Variants in PCNX3 observed in about 807,000 individuals in gnomAD.
The protein encoded by PCNX3 is pecanex-like protein 3.
PCNX3 carries 58 observed loss-of-function variants against 207.2 expected under a neutral mutation model. The observed-to-expected ratio is 0.28, with a 90% CI of 0.23 to 0.35. The LOEUF (loss-of-function observed/expected upper bound fraction) is 0.35, where lower values mean the gene tolerates loss of function less well. Ranked by LOEUF, PCNX3 falls within the 10% of genes least tolerant of loss-of-function variation. The pLI is 1.00. For synonymous variants in PCNX3, 1,337 were observed against 1,183.5 expected (o/e 1.13, Z -2.66); for missense variants, 2,410 against 2,774.4 (o/e 0.87, Z 2.95).
At chr11:65,629,236 C>T in intron 24 of PCNX3, 121 bp from the exon 25 acceptor site, 1 of 1,091,962 alleles carries the variant, frequency 9.2e-7, no homozygotes, top group Non-Finnish European at 1.4e-6. Flanking sequence ...GTCTCCTCAT[C>T]TGCCTGCATA....
chr11:65,620,564 G>A, intron 9 of PCNX3, 135 bp downstream of exon 9: 1 of 1,065,754 alleles, frequency 9.4e-7, no homozygotes, highest in Non-Finnish European at 1.3e-6. Flanking sequence ...GAGAGGATGG[G>A]GAGCAGCAAA....
At chr11:65,620,496 A>G (rs1855029329) in intron 9 of PCNX3, 67 bp downstream of exon 9, 1 of 1,540,970 alleles carries the variant, frequency 6.5e-7, no homozygotes, top group African/African-American at 1.4e-5. Context: ...AAGTTCCCTG[A>G]GCCTGGAGTT....
chr11:65,618,399 C>G lies in PCNX3; in HGVS notation c.1037C>G (p.Pro346Arg). The G allele has an allele frequency of 6.2e-7, 1 of 1,612,756 alleles. No homozygotes were observed. The highest frequency in any genetic ancestry group is 8.5e-7 in the Non-Finnish European group (1 of 1,179,828). The change falls in exon 6 of 35, where the codon CCT (proline) becomes CGT (arginine). Residue 346 changes from proline to arginine, a missense_variant. By Grantham distance (103) the Pro-to-Arg change is moderately radical. Transcript: ENST00000355703. ...DTDPPSEAEL[P>R]ASPDAGVPSD... ...GACCCACCCTCTGAGGCTGAGCTGC[C>G]TGCCTCACCAGACGCCGGGGTCCCC...
At chr11:65,627,262 T>A (rs1855440652) in intron 21 of PCNX3, 143 bp from the exon 22 acceptor site, 1 of 1,155,508 alleles carries the variant, frequency 8.7e-7, no homozygotes, top group Admixed American at 2.9e-5. Context: ...AGACTAAGAG[T>A]CACGGGCCCA....
Position 65,620,847 on chromosome 11 carries a change from T to A in PCNX3, c.2116T>A (p.Ser706Thr). The change falls in exon 10 of 35, where the codon TCC (serine) becomes ACC (threonine). Residue 706 changes from serine to threonine, a missense_variant. This residue lies in a region of PCNX3 where 1,104 missense variants were observed against 970.3 expected (regional missense o/e 1.14). Coordinates refer to ENST00000355703, the MANE Select transcript of PCNX3 (RefSeq NM_032223.4). ...ANGAWDRHSH[S>T]SSFHSADVPE... ...TTCTCACAGGGACCGACACTCGCAT[T>A]CCTCCAGCTTCCACTCGGCTGATGT... 1 of 1,593,776 alleles carries A rather than the reference T, an allele frequency of 6.3e-7. No homozygotes were observed. Among genetic ancestry groups the A allele is most frequent in the South Asian group, 1.1e-5 (1 of 87,556 alleles).
At chr11:65,626,150 A>G in intron 20 of PCNX3, 96 bp downstream of exon 20, 1 of 1,478,816 alleles carries the variant, frequency 6.8e-7, no homozygotes. Context: ...GAGTGCCAGC[A>G]GGGGGCACTC....
chr11:65,624,356 C>T lies in PCNX3; in HGVS notation c.2706C>T (p.Asp902=), dbSNP rs574563877. 165 of 1,554,788 alleles carry T rather than the reference C, an allele frequency of 1.1e-4. No individual in the cohort carries two copies. Among genetic ancestry groups the T allele is most frequent in the Admixed American group, 1.8e-4 (9 of 51,278 alleles). Residue 902 remains aspartate (D), a synonymous_variant, in exon 14 of 35, where the codon GAC becomes GAT. Coordinates refer to ENST00000355703, the MANE Select transcript of PCNX3 (RefSeq NM_032223.4). ...FSASFFFCAR[D]VATVFTLCFP... ...CCTCCTTCTTCTTCTGTGCCCGAGA[C>T]GTGGCCACTGGTGAGGCTGGGGCAG...
intron 9 of PCNX3, among the ~76,000 whole-genome samples, 184 bp downstream of exon 9, chr11:65,620,613 G>A (rs1002178016): frequency 1.3e-5 from 2 of 152,142 alleles, no homozygotes; most frequent in Admixed American, 6.5e-5. Context: ...ATGACACTCC[G>A]GGCAGGAAGT....
chr11:65,627,203 T>C, intron 21 of PCNX3, among the ~76,000 whole-genome samples, 155 bp downstream of exon 21: 1 of 152,150 alleles, frequency 6.6e-6, no homozygotes, highest in East Asian at 1.9e-4. Flanking sequence ...AGGAAGTGGT[T>C]GCTTCTTCAA....
At chr11:65,626,838 G>A (rs900673521) in intron 20 of PCNX3, 66 bp from the exon 21 acceptor site, 8 of 1,550,872 alleles carry the variant, frequency 5.2e-6, no homozygotes, top group Non-Finnish European at 7.0e-6. Flanking sequence ...CCCTCCTAGG[G>A]AAGGACTTCC....
rs1462220423 is a variant in PCNX3, at chr11:65,625,619, C to G, written c.3136-33C>G. On this transcript the variant is annotated intron_variant, in intron 18 of 34. Coordinates refer to ENST00000355703, the MANE Select transcript of PCNX3 (RefSeq NM_032223.4). The surrounding 1 kb of genome is among the most constrained non-coding windows in gnomAD (Gnocchi z 5.6). Reference sequence around the variant, plus strand: ...CTGGGCAGCTGAGTGTCTCTCCTGGCCGGGCAGCTGAATGTCTCTCCTGGC... The same window carrying G: ...CTGGGCAGCTGAGTGTCTCTCCTGGGCGGGCAGCTGAATGTCTCTCCTGGC... 3 of 1,600,532 alleles carry G rather than the reference C, an allele frequency of 1.9e-6. No individual in the cohort carries two copies. In the Admixed American group the frequency reaches 5.1e-5, roughly 27 times the overall value.
chr11:65,617,881 C>T, intron 5 of PCNX3, 59 bp from the exon 6 acceptor site: 3 of 1,494,426 alleles, frequency 2.0e-6, no homozygotes, highest in East Asian at 2.4e-5. Flanking sequence ...CTCCCTTAAC[C>T]ACTAGTTTGT....
In PCNX3 at chr11:65,618,078, C is replaced by G. The variant is rs766447798; in HGVS notation, c.716C>G (p.Pro239Arg). The change falls in exon 6 of 35, where the codon CCC becomes CGC. Residue 239 changes from proline (P) to arginine (R), a missense_variant. Pro to Arg is a moderately radical substitution (Grantham distance 103). Coordinates refer to ENST00000355703, the MANE Select transcript of PCNX3 (RefSeq NM_032223.4). Reference sequence around the variant, plus strand: ...AGCATGGCTGACACTCCCATGAGCCCCCTGCTGAAGGGGAGCCTCAGCCAG... The same window carrying G: ...AGCATGGCTGACACTCCCATGAGCCGCCTGCTGAAGGGGAGCCTCAGCCAG... ...GSSMADTPMS[P>R]LLKGSLSQEL... The G allele has an allele frequency of 8.7e-6, 14 of 1,608,342 alleles. No homozygotes were observed. The highest frequency in any genetic ancestry group is 1.1e-5 in the Non-Finnish European group (13 of 1,177,908).
Position 65,636,470 on chromosome 11 carries a change from C to G in PCNX3, c.5673C>G (p.Pro1891=). 1.3e-6 allele frequency: 2 copies of G among 1,563,736 alleles called. No individual in the cohort carries two copies. Among genetic ancestry groups the G allele is most frequent in the East Asian group, 2.3e-5 (1 of 44,434 alleles). Residue 1891 remains proline, a synonymous_variant, in exon 34 of 35, where the codon CCC becomes CCG. Transcript: ENST00000355703. The part of the protein sequence containing the change: ...SSLSGSGDGR[P]PPLLQWPPPR... ...TGAGTGGCTCTGGTGATGGGCGGCC[C>G]CCACCTCTGCTGCAGTGGCCTCCCC...
intron 29 of PCNX3, 54 bp downstream of exon 29, chr11:65,634,695 C>G: frequency 2.1e-6 from 3 of 1,454,716 alleles, no homozygotes; most frequent in Non-Finnish European, 2.8e-6. Flanking sequence ...CCACCTCTTC[C>G]ACGAAGAGCA....
chr11:65,622,593 C>T (rs1855165084), intron 11 of PCNX3, among the ~76,000 whole-genome samples: 1 of 151,972 alleles, frequency 6.6e-6, no homozygotes, highest in East Asian at 1.9e-4. Flanking sequence ...TTCCAAAGTC[C>T]TGCTGAAAAA....
chr11:65,616,785 G>T, intron 1 of PCNX3, 39 bp from the exon 2 acceptor site: 1 of 1,590,776 alleles, frequency 6.3e-7, no homozygotes, highest in Non-Finnish European at 8.6e-7. Flanking sequence ...GTGGGGGCGA[G>T]GCTTTGTGAA....
chr11:65,617,341 C>G lies in PCNX3; in HGVS notation c.433C>G (p.Gln145Glu), dbSNP rs1199917098. The change falls in exon 3 of 35, where the codon CAG (glutamine) becomes GAG (glutamate). Residue 145 changes from glutamine (Q) to glutamate (E), a missense_variant. This residue lies in a region of PCNX3 where 1,104 missense variants were observed against 970.3 expected (regional missense o/e 1.14). Transcript: ENST00000355703. The part of the protein sequence containing the change: ...SSQHSVFGFN[Q>E]VSELLPRMED... ...CCAGCACTCTGTGTTTGGCTTCAAC[C>G]AGGTCTCGGTGAGTGGGCCTGGACC... is the stretch of plus-strand genomic sequence containing the variant. 2 of 1,613,244 alleles carry G rather than the reference C, an allele frequency of 1.2e-6. No individual in the cohort carries two copies. The highest frequency in any genetic ancestry group is 1.7e-6 in the Non-Finnish European group (2 of 1,179,640).
Position 65,618,996 on chromosome 11 carries a change from C to T in PCNX3, c.1634C>T (p.Ala545Val), listed in dbSNP as rs765655422. 59 of 1,598,354 alleles carry T rather than the reference C, an allele frequency of 3.7e-5. No individual in the cohort carries two copies. The Middle Eastern group carries it at 5.1e-4, about 14-fold the overall frequency. The change falls in exon 6 of 35, where the codon GCG becomes GTG. Residue 545 changes from alanine to valine, a missense_variant. Transcript: ENST00000355703. Reference protein sequence around the residue: ...ASEPVVLPAEARRGPAANQPG... With the variant: ...ASEPVVLPAEVRRGPAANQPG... Reference sequence around the variant, plus strand: ...GAGCCTGTTGTGCTGCCTGCTGAGGCGCGAAGGGGACCCGCTGCCAACCAG... The same window carrying T: ...GAGCCTGTTGTGCTGCCTGCTGAGGTGCGAAGGGGACCCGCTGCCAACCAG...
Sources: gnomAD v4.1 joint callset for allele counts (sites outside exome capture counted in the v4.1 genomes callset) on GRCh38, gnomAD v4.1.1 for gene constraint, gnomAD v4.1.1 regional missense constraint, Gnocchi (gnomAD v3.1) non-coding constraint, MANE v1.5 for transcripts, NCBI Gene and HGNC (gene_info 2026-07-23, HGNC 2026-07-21) for gene names.